The following AFF2 variants were observed in gnomAD, a reference collection of about 807,000 sequenced individuals.
The protein encoded by AFF2 is ALF transcription elongation factor 2.
AFF2 carries 14 observed loss-of-function variants against 76.9 expected under a neutral mutation model. The ratio of observed to expected loss-of-function variants is 0.18; its 90% CI spans 0.12 to 0.28. AFF2 has a LOEUF of 0.28. AFF2 is among the 10% of genes least tolerant of loss of function. The pLI is 1.00. For synonymous variants in AFF2, 398 were observed against 366.7 expected (o/e 1.09, Z -0.98); for missense variants, 868 against 1,001.1 (o/e 0.87, Z 1.79).
intron 8 of AFF2, among the ~76,000 whole-genome samples, chrX:148,891,287 C>A (rs1172304492): frequency 1.8e-5 from 2 of 111,070 alleles, no homozygotes; most frequent in African/African-American, 6.5e-5. Context: ...GTCAGTTTTT[C>A]TTTTCATTTT....
intron 1 of AFF2, among the ~76,000 whole-genome samples, chrX:148,609,688 G>T (rs2053707599): frequency 9.0e-6 from 1 of 111,631 alleles, no homozygotes; most frequent in African/African-American, 3.3e-5. Flanking sequence ...TCCCAACTCA[G>T]TATGTGCGTT....
At chrX:148,937,137 A>C (rs1557285110) in intron 9 of AFF2, among the ~76,000 whole-genome samples, 2 of 111,979 alleles carry the variant, frequency 1.8e-5, no homozygotes. Flanking sequence ...GTCTGTGATT[A>C]TAAGGTTCTC....
At chrX:148,717,018 A>G (rs1336299143) in intron 3 of AFF2, among the ~76,000 whole-genome samples, 2 of 112,105 alleles carry the variant, frequency 1.8e-5, no homozygotes, top group Non-Finnish European at 3.8e-5. Context: ...GCAAAAAGTT[A>G]AAGATAAAGA....
chrX:148,670,337 A>C (rs1279045239), intron 3 of AFF2, among the ~76,000 whole-genome samples: 1 of 111,541 alleles, frequency 9.0e-6, no homozygotes, highest in Non-Finnish European at 1.9e-5. Context: ...ATGAATGGGA[A>C]GTTTGTTTTG....
In AFF2 at chrX:148,861,712, C is replaced by T. The variant is rs904044484; in HGVS notation, c.1262+18279C>T. ...CTTTGTGCATAGGTAGACTCAGCTT[C>T]AATATCTACCTGGAGTATGGATGCT... is the stretch of plus-strand genomic sequence containing the variant. On this transcript the variant is annotated intron_variant, in intron 7 of 20. Transcript: ENST00000370460. Among the ~76,000 whole-genome samples the T allele has an allele frequency of 1.4e-4, 16 of 111,342 alleles. 2 individuals carry two copies. The highest frequency in any genetic ancestry group is 9.6e-4 in the Admixed American group (10 of 10,465).
At chrX:148,876,379 C>T (rs782465636) in intron 7 of AFF2, among the ~76,000 whole-genome samples, 2 of 111,636 alleles carry the variant, frequency 1.8e-5, no homozygotes, top group East Asian at 5.7e-4. Flanking sequence ...TAGCCACACA[C>T]AAGTCAATTA....
At chrX:148,745,386 C>G (rs1298251134) in intron 3 of AFF2, among the ~76,000 whole-genome samples, 1 of 111,670 alleles carries the variant, frequency 9.0e-6, no homozygotes, top group East Asian at 2.8e-4. Flanking sequence ...TTTCTAATTT[C>G]CATTAACCCC....
At chrX:148,696,307 G>T (rs1236063019) in intron 3 of AFF2, among the ~76,000 whole-genome samples, 1 of 109,413 alleles carries the variant, frequency 9.1e-6, no homozygotes, top group African/African-American at 3.3e-5. Flanking sequence ...TGTGGGGTGG[G>T]GGGAGAGGGG....
intron 1 of AFF2, among the ~76,000 whole-genome samples, chrX:148,508,795 A>G (rs183648294): frequency 1.3e-4 from 14 of 111,377 alleles, no homozygotes; most frequent in African/African-American, 4.6e-4. Flanking sequence ...TCAATTTGCT[A>G]TTATTTATTT....
intron 1 of AFF2, among the ~76,000 whole-genome samples, chrX:148,599,005 A>G (rs530598459): frequency 8.9e-6 from 1 of 112,541 alleles, no homozygotes. Context: ...TAGAACGGTA[A>G]CAGAGTAGGT....
In AFF2 at chrX:148,991,613, A is replaced by T. The variant is rs1445459737; in HGVS notation, c.*281A>T. ...TGTGCTTTATGGAATGACAGTCCCTACAATATTGTTTTAAGCCCACACTAC... is the reference window on the plus strand; with the variant it reads ...TGTGCTTTATGGAATGACAGTCCCTTCAATATTGTTTTAAGCCCACACTAC... On this transcript the variant is annotated 3_prime_UTR_variant, in exon 21 of 21. Transcript: ENST00000370460. The T allele has an allele frequency of 3.2e-5, 6 of 187,470 alleles. No individual in the cohort carries two copies. Among genetic ancestry groups the T allele is most frequent in the Non-Finnish European group, 5.8e-5 (6 of 102,718 alleles). 15.4% of individuals were successfully genotyped at this position (187,470 alleles called of 1,213,427 possible). A position where few individuals can be genotyped will look rare whatever the true frequency, so the allele number is the denominator to read the frequency against.
chrX:148,904,846 A>C (rs1359893461), intron 9 of AFF2, among the ~76,000 whole-genome samples: 4 of 112,452 alleles, frequency 3.6e-5, no homozygotes, highest in African/African-American at 1.3e-4. Context: ...AATATAGTAC[A>C]TCTTAGACAT....
At chrX:148,517,205 T>A (rs1400905615) in intron 1 of AFF2, among the ~76,000 whole-genome samples, 4 of 111,691 alleles carry the variant, frequency 3.6e-5, no homozygotes, top group Non-Finnish European at 5.6e-5. Flanking sequence ...ATGCCCTAGA[T>A]CATATCTGAA....
chrX:148,554,371 TG>T (rs1557239382), intron 1 of AFF2, among the ~76,000 whole-genome samples: 1 of 111,140 alleles, frequency 9.0e-6, no homozygotes, highest in Non-Finnish European at 1.9e-5. Context: ...TTTATTATCA[TG>T]GGGAGAGGCA....
At chrX:148,584,637 C>A (rs2053447844) in intron 1 of AFF2, among the ~76,000 whole-genome samples, 1 of 106,580 alleles carries the variant, frequency 9.4e-6, no homozygotes, top group East Asian at 3.0e-4. Context: ...CTCACTGCAA[C>A]CTCCACCTCC....
At chrX:148,628,410 T>C (rs1400913007) in intron 1 of AFF2, among the ~76,000 whole-genome samples, 1 of 111,299 alleles carries the variant, frequency 9.0e-6, no homozygotes, top group Non-Finnish European at 1.9e-5. Context: ...ACTTTTAAAA[T>C]ATTTGCCAGA....
chrX:148,709,257 C>G (rs961352156), intron 3 of AFF2, among the ~76,000 whole-genome samples: 10 of 111,474 alleles, frequency 9.0e-5, no homozygotes, highest in Admixed American at 8.6e-4. Flanking sequence ...GGATTGACTG[C>G]CTTGCCAAAT....
At chrX:148,642,817 T>C (rs1557254882) in intron 1 of AFF2, among the ~76,000 whole-genome samples, 2 of 112,431 alleles carry the variant, frequency 1.8e-5, no homozygotes, top group African/African-American at 3.2e-5. Flanking sequence ...ATCAACTGTG[T>C]ACTCCTGAGC....
chrX:148,873,681 A>G (rs1053765314), intron 7 of AFF2, among the ~76,000 whole-genome samples: 2 of 110,785 alleles, frequency 1.8e-5, no homozygotes, highest in Non-Finnish European at 3.8e-5. Context: ...ACTTAGAGAA[A>G]TGAATGTCTG....
Sources: gnomAD v4.1 joint callset for allele counts (sites outside exome capture counted in the v4.1 genomes callset) on GRCh38, gnomAD v4.1.1 for gene constraint, MANE v1.5 for transcripts, NCBI Gene and HGNC (gene_info 2026-07-23, HGNC 2026-07-21) for gene names.